The following SPMIP4 variants were observed in gnomAD, a reference collection of about 807,000 sequenced individuals.
SPMIP4 encodes the protein sperm microtubule inner protein 4.
At chr7:25,171,931 G>A in the SPMIP4 span, among the ~76,000 whole-genome samples, 7 of 152,176 alleles carry the variant, frequency 4.6e-5, no homozygotes, top group Admixed American at 1.3e-4. Context: ...TGGTATTATG[G>A]TATATACCTA....
chr7:25,168,417 G>A, the SPMIP4 span: 32 of 1,608,714 alleles, frequency 2.0e-5, no homozygotes, highest in African/African-American at 3.2e-4. Context: ...CTCTTTCAGC[G>A]CCCCAAGGAA....
At chr7:25,164,238 T>C in the SPMIP4 span, among the ~76,000 whole-genome samples, 1 of 152,158 alleles carries the variant, frequency 6.6e-6, no homozygotes, top group East Asian at 1.9e-4. Flanking sequence ...CGAGCTTTGG[T>C]GGTTTAGAGG....
At chr7:25,161,358 T>TTC in the SPMIP4 span, 12 of 530,992 alleles carry the variant, frequency 2.3e-5, no homozygotes, top group Non-Finnish European at 3.9e-5. Flanking sequence ...CATATCCACA[T>TTC]ATATGTAGAA....
the SPMIP4 span, among the ~76,000 whole-genome samples, chr7:25,137,309 T>TTA: frequency 1.7e-4 from 24 of 137,888 alleles, no homozygotes; most frequent in African/African-American, 6.5e-4. Flanking sequence ...TTCTTTTTTT[T>TTA]TTTTTTTTTT....
the SPMIP4 span, among the ~76,000 whole-genome samples, chr7:25,166,673 G>A: frequency 1.3e-5 from 2 of 151,848 alleles, no homozygotes; most frequent in East Asian, 3.9e-4. Context: ...GATCACCTGA[G>A]GTCGGGAGTT....
the SPMIP4 span, among the ~76,000 whole-genome samples, chr7:25,178,807 G>A: frequency 2.6e-5 from 4 of 152,146 alleles, no homozygotes; most frequent in African/African-American, 9.7e-5. Context: ...GGGAGGCCGA[G>A]GTGGGTGGAT....
At chr7:25,143,259 A>G in the SPMIP4 span, among the ~76,000 whole-genome samples, 3 of 152,226 alleles carry the variant, frequency 2.0e-5, no homozygotes, top group Non-Finnish European at 4.4e-5. Context: ...TCAAATTCAA[A>G]TAAAATTTTC....
the SPMIP4 span, among the ~76,000 whole-genome samples, chr7:25,130,649 C>T: frequency 6.6e-6 from 1 of 152,174 alleles, no homozygotes; most frequent in African/African-American, 2.4e-5. Context: ...CTTAGCAATT[C>T]AGGCCCCTCC....
At chr7:25,136,900 A>G in the SPMIP4 span, 5 of 1,086,218 alleles carry the variant, frequency 4.6e-6, no homozygotes, top group East Asian at 1.2e-4. The surrounding 1 kb of genome is among the most constrained non-coding windows in gnomAD (Gnocchi z 5.7). Context: ...CGAGATGGGC[A>G]TAGGAGTGTA....
chr7:25,175,811 A>C, the SPMIP4 span, among the ~76,000 whole-genome samples: 21 of 152,348 alleles, frequency 1.4e-4, no homozygotes, highest in African/African-American at 5.1e-4. Context: ...GAGGCTCAGC[A>C]ATGATAGAAC....
the SPMIP4 span, among the ~76,000 whole-genome samples, chr7:25,141,168 T>G: frequency 6.6e-6 from 1 of 152,216 alleles, no homozygotes; most frequent in African/African-American, 2.4e-5. Context: ...TCTACTGATA[T>G]CTGCAGAGAA....
chr7:25,151,823 T>A, the SPMIP4 span: 1 of 502,402 alleles, frequency 2.0e-6, no homozygotes, highest in Non-Finnish European at 3.5e-6. Flanking sequence ...TTTAGAGAGA[T>A]TCAGCTTGCT....
the SPMIP4 span, among the ~76,000 whole-genome samples, chr7:25,162,123 T>G: frequency 6.6e-6 from 1 of 151,406 alleles, no homozygotes. Flanking sequence ...TAGAAAAAAT[T>G]TGCTGGGTGT....
the SPMIP4 span, among the ~76,000 whole-genome samples, chr7:25,144,611 G>T: frequency 3.3e-5 from 5 of 152,220 alleles, no homozygotes; most frequent in Non-Finnish European, 7.3e-5. Flanking sequence ...GGAATTCTGT[G>T]GTTCAAGATC....
the SPMIP4 span, chr7:25,155,254 A>C: frequency 4.2e-6 from 6 of 1,426,296 alleles, no homozygotes; most frequent in South Asian, 9.2e-5. Context: ...GGTTGAAAAA[A>C]TTAATCATCA....
At chr7:25,154,964 C>A in the SPMIP4 span, 15 of 1,519,196 alleles carry the variant, frequency 9.9e-6, no homozygotes, top group Middle Eastern at 1.7e-4. Context: ...TTGAAGAAAT[C>A]CCAATAATAA....
At chr7:25,136,126 T>C in the SPMIP4 span, 7 of 1,614,130 alleles carry the variant, frequency 4.3e-6, no homozygotes, top group South Asian at 2.2e-5. This position sits in a 1 kb window ranked among gnomAD's most constrained non-coding sequence, Gnocchi z 5.7. Context: ...CTCCAGCAGG[T>C]TGGTCTGAGG....
chr7:25,127,965 G>A, the SPMIP4 span, among the ~76,000 whole-genome samples: 1 of 152,156 alleles, frequency 6.6e-6, no homozygotes, highest in Admixed American at 6.5e-5. Context: ...GACTTGTAGG[G>A]GTATGACATT....
chr7:25,166,542 G>A, the SPMIP4 span, among the ~76,000 whole-genome samples: 22 of 150,536 alleles, frequency 1.5e-4, no homozygotes, highest in African/African-American at 3.4e-4. Context: ...AGCTGAGATC[G>A]TGCCACTGCA....
Sources: gnomAD v4.1 joint callset for allele counts (sites outside exome capture counted in the v4.1 genomes callset) on GRCh38, gnomAD v4.1.1 for gene constraint, Gnocchi (gnomAD v3.1) non-coding constraint, MANE v1.5 for transcripts, NCBI Gene and HGNC (gene_info 2026-07-23, HGNC 2026-07-21) for gene names.